LSAMP: variants seen among roughly 807,000 people sequenced by gnomAD.
LSAMP encodes limbic system associated membrane protein, also known as limbic system-associated membrane protein.
Under a neutral mutation model 38.6 loss-of-function variants are expected in LSAMP, and 7 were observed. That is an observed-to-expected ratio of 0.18 (90% CI 0.10 to 0.34). The LOEUF (loss-of-function observed/expected upper bound fraction) is 0.34. Ranked by LOEUF, LSAMP falls within the 10% of genes least tolerant of loss-of-function variation. LSAMP has a pLI of 1.00. For missense variants in LSAMP, 313 were observed against 420.0 expected (o/e 0.75, Z 2.23); for synonymous variants, 154 against 166.8 (o/e 0.92, Z 0.59).
chr3:116,161,105 T>C (rs1485090598), intron 1 of LSAMP, among the ~76,000 whole-genome samples: 1 of 152,216 alleles, frequency 6.6e-6, no homozygotes, highest in African/African-American at 2.4e-5. Context: ...TAAGTGTGAA[T>C]GGTCACATGT....
intron 3 of LSAMP, among the ~76,000 whole-genome samples, chr3:115,949,377 C>T (rs958599142): frequency 6.6e-6 from 1 of 151,432 alleles, no homozygotes; most frequent in African/African-American, 2.4e-5. Flanking sequence ...TTTTGTTTAT[C>T]TCTTAAAAAT....
In LSAMP at chr3:115,985,284, T is replaced by C. The variant is rs115619970; in HGVS notation, c.514+34231A>G. On this transcript the variant is annotated intron_variant, in intron 3 of 6. Coordinates refer to ENST00000490035, the MANE Select transcript of LSAMP (RefSeq NM_002338.5). Reference sequence around the variant, plus strand: ...AAAAATACAAAATGGAATATTGGCTTAGTGGTTAATTAGTGAGCAAAGTGA... The same window carrying C: ...AAAAATACAAAATGGAATATTGGCTCAGTGGTTAATTAGTGAGCAAAGTGA... Among the ~76,000 whole-genome samples, 269 of 152,288 alleles carry C rather than the reference T, an allele frequency of 1.8e-3. 1 individual carries two copies. Among genetic ancestry groups the C allele is most frequent in the African/African-American group, 6.4e-3 (265 of 41,556 alleles).
rs71141863 is a variant in LSAMP, at chr3:116,222,720, C to CTTTT, written c.156-136168_156-136165dup. 6.2e-4 allele frequency among the ~76,000 whole-genome samples: 31 copies of CTTTT among 49,942 alleles called. 7 individuals carry two copies. The highest frequency in any genetic ancestry group is 1.3e-3 in the East Asian group (2 of 1,534). The allele number at this position is 49,942 out of a possible 152,430, so 32.8% of individuals were successfully genotyped here. A position where few individuals can be genotyped will look rare whatever the true frequency, so the allele number is the denominator to read the frequency against. On this transcript the variant is annotated intron_variant, in intron 1 of 6. Coordinates refer to ENST00000490035, the MANE Select transcript of LSAMP (RefSeq NM_002338.5). ...TTTTTTGCTCACCTTTCATCCTCTC[C>CTTTT]TTTTTTTTTTTTTTTTTTTTTTTTT... is the stretch of plus-strand genomic sequence containing the variant.
chr3:115,852,875 T>A (rs1382802566), intron 3 of LSAMP, among the ~76,000 whole-genome samples: 1 of 151,856 alleles, frequency 6.6e-6, no homozygotes, highest in Non-Finnish European at 1.5e-5. Flanking sequence ...CAAGCAAGGG[T>A]GCAATGCCAA....
At chr3:115,954,718 T>C (rs1938399071) in intron 3 of LSAMP, among the ~76,000 whole-genome samples, 1 of 152,152 alleles carries the variant, frequency 6.6e-6, no homozygotes, top group South Asian at 2.1e-4. Flanking sequence ...GAGCCCAGCA[T>C]TTATTAGATG....
intron 1 of LSAMP, among the ~76,000 whole-genome samples, chr3:116,349,535 A>T (rs1010343054): frequency 2.6e-5 from 4 of 151,136 alleles, no homozygotes; most frequent in Non-Finnish European, 5.9e-5. Flanking sequence ...ACACACACAC[A>T]CTCACATATT....
chr3:115,907,067 T>C (rs1937024868), intron 3 of LSAMP, among the ~76,000 whole-genome samples: 1 of 152,160 alleles, frequency 6.6e-6, no homozygotes, highest in South Asian at 2.1e-4. Context: ...GTTTTCCATC[T>C]CAACCCTGGA....
chr3:115,898,774 G>C (rs1052830126), intron 3 of LSAMP, among the ~76,000 whole-genome samples: 1 of 152,050 alleles, frequency 6.6e-6, no homozygotes, highest in African/African-American at 2.4e-5. Flanking sequence ...TGGGGAGCAT[G>C]GTGCTTCCTT....
intron 2 of LSAMP, among the ~76,000 whole-genome samples, chr3:116,057,316 C>T (rs1022027372): frequency 2.0e-5 from 3 of 152,142 alleles, no homozygotes; most frequent in South Asian, 4.1e-4. Flanking sequence ...CATTTTTAGC[C>T]ATACATACAT....
chr3:115,829,582 C>A (rs1401930665), intron 6 of LSAMP, among the ~76,000 whole-genome samples: 1 of 152,084 alleles, frequency 6.6e-6, no homozygotes, highest in Non-Finnish European at 1.5e-5. Flanking sequence ...CCTTGACCAG[C>A]AAAAAGGGCA....
At chr3:116,025,574 CT>C (rs1011658849) in intron 2 of LSAMP, among the ~76,000 whole-genome samples, 4 of 151,810 alleles carry the variant, frequency 2.6e-5, no homozygotes, top group African/African-American at 9.7e-5. Context: ...TTAATTGTTT[CT>C]TTTTTTATAT....
intron 1 of LSAMP, among the ~76,000 whole-genome samples, chr3:116,268,072 T>TAAAG (rs2046915651): frequency 6.6e-6 from 1 of 152,272 alleles, no homozygotes; most frequent in African/African-American, 2.4e-5. Context: ...TATTTTACAT[T>TAAAG]AAAGAAAAAT....
In LSAMP at chr3:115,994,733, T is replaced by C. The variant is rs570864020; in HGVS notation, c.514+24782A>G. On this transcript the variant is annotated intron_variant, in intron 3 of 6. Coordinates refer to ENST00000490035, the MANE Select transcript of LSAMP (RefSeq NM_002338.5). ...CTTTGTTTTATACTAGAATGAAAAA[T>C]GAAATTTGGCCACAGGTGCCTTCAC... is the stretch of plus-strand genomic sequence containing the variant. Among the ~76,000 whole-genome samples, 28 of 152,194 alleles carry C rather than the reference T, an allele frequency of 1.8e-4. 1 individual carries two copies. In the South Asian group the frequency reaches 5.8e-3, roughly 32 times the overall value.
chr3:116,320,116 A>G (rs1414994814), intron 1 of LSAMP, among the ~76,000 whole-genome samples: 1 of 152,184 alleles, frequency 6.6e-6, no homozygotes, highest in African/African-American at 2.4e-5. Flanking sequence ...AGCCTTTGGA[A>G]ATAATAACAC....
intron 1 of LSAMP, among the ~76,000 whole-genome samples, chr3:116,128,364 G>A (rs1410546772): frequency 6.6e-6 from 1 of 152,180 alleles, no homozygotes; most frequent in Non-Finnish European, 1.5e-5. Flanking sequence ...CTGAGCGTCT[G>A]ACTTCAGAAG....
intron 3 of LSAMP, among the ~76,000 whole-genome samples, chr3:115,997,995 C>G (rs1939877087): frequency 1.3e-5 from 2 of 148,770 alleles, no homozygotes; most frequent in South Asian, 4.2e-4. Flanking sequence ...TGATATGGGG[C>G]TTTTCTGTGC....
intron 1 of LSAMP, among the ~76,000 whole-genome samples, chr3:116,297,439 A>AAACAT: frequency 6.6e-6 from 1 of 152,312 alleles, no homozygotes; most frequent in African/African-American, 2.4e-5. Flanking sequence ...GATTATTTAA[A>AAACAT]AACATAAACT....
intron 1 of LSAMP, among the ~76,000 whole-genome samples, chr3:116,191,797 GTT>G (rs5851997): frequency 1.9e-3 from 294 of 151,654 alleles, no homozygotes; most frequent in Middle Eastern, 3.4e-3. Flanking sequence ...AATTATAATA[GTT>G]TTTTTTTGAT....
intron 1 of LSAMP, among the ~76,000 whole-genome samples, chr3:116,437,900 T>A (rs972212444): frequency 6.6e-6 from 1 of 152,130 alleles, no homozygotes; most frequent in African/African-American, 2.4e-5. Context: ...TAAAACACTT[T>A]AAAATGAGAT....
Sources: allele counts gnomAD v4.1 joint callset (sites outside exome capture counted in the v4.1 genomes callset), GRCh38; gene constraint gnomAD v4.1.1; transcripts MANE v1.5; gene names NCBI Gene and HGNC (gene_info 2026-07-23, HGNC 2026-07-21).